Variants in USP34 observed in about 807,000 individuals in gnomAD.
USP34 encodes ubiquitin carboxyl-terminal hydrolase 34.
In USP34, 70 loss-of-function variants were observed where a neutral mutation model predicts 460.3. The observed-to-expected ratio is 0.15, with a 90% CI of 0.13 to 0.19. The LOEUF (loss-of-function observed/expected upper bound fraction) is 0.19, where lower values mean the gene tolerates loss of function less well. USP34 is among the 10% of genes least tolerant of loss of function. The pLI, the probability that USP34 is intolerant of heterozygous loss-of-function variation, is 1.00. For missense variants in USP34, 3,985 were observed against 4,236.2 expected, an observed-to-expected ratio of 0.94 and a Z score of 1.65; for synonymous variants, 1,647 against 1,405.3, an observed-to-expected ratio of 1.17 and a Z score of -3.85.
intron 1 of USP34, among the ~76,000 whole-genome samples, chr2:61,466,045 G>T (rs894136194): frequency 3.3e-5 from 5 of 151,844 alleles, no homozygotes; most frequent in Non-Finnish European, 7.4e-5. Flanking sequence ...GGAGGGGAGG[G>T]ATAGGGAGAG....
At chr2:61,404,158 T>C (rs1412512964) in intron 3 of USP34, among the ~76,000 whole-genome samples, 1 of 152,034 alleles carries the variant, frequency 6.6e-6, no homozygotes, top group Non-Finnish European at 1.5e-5. Flanking sequence ...TGTTTTCAAA[T>C]AAGTCTCCAT....
Position 61,265,571 on chromosome 2 carries a change from A to C in USP34, c.5618-14T>G. On this transcript the variant is annotated splice_polypyrimidine_tract_variant and intron_variant, in intron 42 of 79. Transcript: ENST00000398571. ...AAGGTGCATGGGCTGCTGAAGAAAG[A>C]GGGAGGAAAAGATCCCCCCCAAACA... 1 of 1,578,612 alleles carries C rather than the reference A, an allele frequency of 6.3e-7. No individual in the cohort carries two copies. The highest frequency in any genetic ancestry group is 8.6e-7 in the Non-Finnish European group (1 of 1,159,164).
In USP34 at chr2:61,223,080, T is replaced by G. The variant is rs755824542; in HGVS notation, c.7729A>C (p.Asn2577His). ...CNLIFSLCRY[N>H]NRLAEHIVSM... ...CTTACATGTTCTGCAAGTCGATTAT[T>G]GTATCGACACAGGCTGAAAATCAGA... The change falls in exon 64 of 80, where the codon AAT (asparagine) becomes CAT (histidine). Residue 2577 changes from asparagine to histidine, a missense_variant. Transcript: ENST00000398571. 7.4e-6 allele frequency: 12 copies of G among 1,613,286 alleles called. No homozygotes were observed. In the African/African-American group the frequency reaches 1.3e-4, roughly 18 times the overall value.
At chr2:61,361,904 C>T (rs920781694) in intron 10 of USP34, among the ~76,000 whole-genome samples, 1 of 151,872 alleles carries the variant, frequency 6.6e-6, no homozygotes, top group African/African-American at 2.4e-5. Context: ...TATTTACAAA[C>T]CATGTATTGA....
At chr2:61,394,349 G>T (rs1049427229) in intron 5 of USP34, among the ~76,000 whole-genome samples, 2 of 151,746 alleles carry the variant, frequency 1.3e-5, no homozygotes, top group African/African-American at 2.4e-5. Flanking sequence ...ATCCCAGGAA[G>T]ATCAAGTTTA....
In USP34 at chr2:61,317,723, G is replaced by T; in HGVS notation, c.3213C>A (p.Asn1071Lys). The T allele has an allele frequency of 6.2e-7, 1 of 1,614,094 alleles. No homozygotes were observed. The highest frequency in any genetic ancestry group is 8.5e-7 in the Non-Finnish European group (1 of 1,179,998). ...KPETISMTGL[N>K]LFQHLCNLAR... ...CCAAGTTACAGAGATGCTGAAACAGGTTTAAGCCAGTCATGCTAATTGTTT... is the reference window on the plus strand; with the variant it reads ...CCAAGTTACAGAGATGCTGAAACAGTTTTAAGCCAGTCATGCTAATTGTTT... Residue 1071 changes from asparagine to lysine, a missense_variant, in exon 23 of 80, where the codon AAC becomes AAA. Around this residue, in one of 14 missense-constraint regions of USP34, gnomAD observed 1,114 missense variants for 1,122.5 expected, o/e 0.99. Transcript: ENST00000398571.
At chr2:61,243,028 T>C (rs1351401629) in intron 51 of USP34, among the ~76,000 whole-genome samples, 1 of 151,886 alleles carries the variant, frequency 6.6e-6, no homozygotes, top group South Asian at 2.1e-4. Context: ...GTGTTTTTAG[T>C]AGACATGGGG....
intron 30 of USP34, 122 bp downstream of exon 30, chr2:61,296,678 A>G: frequency 9.9e-7 from 1 of 1,010,784 alleles, no homozygotes; most frequent in Non-Finnish European, 1.4e-6. Flanking sequence ...TTTACCTACT[A>G]TATGGGTAAA....
intron 1 of USP34, among the ~76,000 whole-genome samples, chr2:61,421,834 T>A (rs909878238): frequency 6.6e-6 from 1 of 151,970 alleles, no homozygotes. Flanking sequence ...TCAGACTACA[T>A]ACACAATGTT....
intron 1 of USP34, among the ~76,000 whole-genome samples, chr2:61,429,778 C>G (rs1340674443): frequency 6.6e-6 from 1 of 152,154 alleles, no homozygotes; most frequent in Non-Finnish European, 1.5e-5. Context: ...AAGTTTATTT[C>G]TAGCTGGACA....
chr2:61,447,689 T>C (rs1053889406), intron 1 of USP34, among the ~76,000 whole-genome samples: 19 of 152,034 alleles, frequency 1.2e-4, no homozygotes, highest in Admixed American at 5.9e-4. Context: ...ATCTGTGAAA[T>C]TGGTTTTTTT....
chr2:61,319,124 A>G (rs936648321), intron 22 of USP34, 49 bp downstream of exon 22: 11 of 1,508,478 alleles, frequency 7.3e-6, no homozygotes, highest in Admixed American at 5.2e-5. Flanking sequence ...TCAAGAGATG[A>G]AAAAGGGAAC....
At chr2:61,404,510 A>G (rs942861797) in intron 3 of USP34, among the ~76,000 whole-genome samples, 1 of 152,208 alleles carries the variant, frequency 6.6e-6, no homozygotes, top group African/African-American at 2.4e-5. Flanking sequence ...CTGTATCATA[A>G]GAAGTCTTAC....
At chr2:61,353,392 ATGTTT>A (rs1692008338) in intron 10 of USP34, among the ~76,000 whole-genome samples, 1 of 143,870 alleles carries the variant, frequency 7.0e-6, no homozygotes, top group African/African-American at 2.6e-5. Flanking sequence ...TCCTAGACGA[ATGTTT>A]TTTTTTTTTT....
Position 61,257,324 on chromosome 2 carries a change from A to G in USP34, c.5871T>C (p.Pro1957=), listed in dbSNP as rs779196168. ...TGGTGTATGTTTTACAGAAAGGTCT[A>G]GGATTATATGCTTTGCATTCACTCT... is the stretch of plus-strand genomic sequence containing the variant. ...LMESECKAYN[P]RPFCKTYTMD... The change falls in exon 45 of 80, where the codon CCT becomes CCC. Residue 1957 remains proline, a synonymous_variant. Transcript: ENST00000398571. The G allele has an allele frequency of 1.4e-5, 22 of 1,609,848 alleles. No homozygotes were observed. In the South Asian group the frequency reaches 1.7e-4, roughly 12 times the overall value.
At chr2:61,292,138 G>C (rs1396343031) in intron 33 of USP34, among the ~76,000 whole-genome samples, 1 of 151,996 alleles carries the variant, frequency 6.6e-6, no homozygotes, top group African/African-American at 2.4e-5. Flanking sequence ...ACAACTTTGT[G>C]AATATAGTAA....
chr2:61,443,255 A>G (rs1046438418), intron 1 of USP34, among the ~76,000 whole-genome samples: 1 of 152,152 alleles, frequency 6.6e-6, no homozygotes, highest in Non-Finnish European at 1.5e-5. Flanking sequence ...ACAATAATAC[A>G]TTATATAGAT....
intron 70 of USP34, chr2:61,207,775 T>A (rs1572835932): frequency 6.6e-6 from 1 of 152,346 alleles, no homozygotes; most frequent in East Asian, 1.9e-4. Flanking sequence ...ACCTTTTTTT[T>A]AATACTTAGC....
intron 10 of USP34, among the ~76,000 whole-genome samples, chr2:61,364,256 G>C (rs1558551128): frequency 6.6e-6 from 1 of 152,162 alleles, no homozygotes; most frequent in Non-Finnish European, 1.5e-5. Flanking sequence ...CAGCTACTCA[G>C]GAGTCTGAGG....
Sources: allele counts gnomAD v4.1 joint callset (sites outside exome capture counted in the v4.1 genomes callset), GRCh38; gene constraint gnomAD v4.1.1; regional missense constraint gnomAD v4.1.1; transcripts MANE v1.5; gene names NCBI Gene and HGNC (gene_info 2026-07-23, HGNC 2026-07-21).